Variants in PTPRB observed in about 807,000 individuals in gnomAD.
PTPRB encodes the protein receptor-type tyrosine-protein phosphatase beta.
Under a neutral mutation model 238.1 loss-of-function variants are expected in PTPRB, and 97 were observed. That is an observed-to-expected ratio of 0.41 (90% confidence interval 0.35 to 0.48). The LOEUF is 0.48. Ranked by LOEUF, PTPRB falls within the 20% of genes least tolerant of loss-of-function variation. The pLI, the probability that PTPRB is intolerant of heterozygous loss-of-function variation, is 0.30. For missense variants in PTPRB, 2,292 were observed against 2,681.9 expected, an observed-to-expected ratio of 0.85 and a Z score of 3.21; for synonymous variants, 970 against 995.4, an observed-to-expected ratio of 0.97 and a Z score of 0.48.
Position 70,569,755 on chromosome 12 carries a change from T to C in PTPRB, c.3554A>G (p.Glu1185Gly). 3 of 1,613,910 alleles carry C rather than the reference T, an allele frequency of 1.9e-6. No homozygotes were observed. Among genetic ancestry groups the C allele is most frequent in the East Asian group, 4.5e-5 (2 of 44,852 alleles). The stretch of plus-strand genomic sequence containing the variant: ...CATGATCTGGTACTGCTCCCCGGCC[T>C]CCAGTCTGTGGAACGTGTGCTCAAA... ...HVFEHTFHRL[E>G]AGEQYQIMIA... Residue 1185 changes from glutamate to glycine, a missense_variant, in exon 14 of 34, where the codon GAG becomes GGG. By Grantham distance (98) the Glu-to-Gly change is moderately conservative (BLOSUM62 -2). This residue lies in a region of PTPRB where 683 missense variants were observed against 862.0 expected (regional missense o/e 0.79). Transcript: ENST00000334414.
chr12:70,532,055 C>A lies in PTPRB; in HGVS notation c.6484G>T (p.Val2162Phe). The change falls in exon 32 of 34, where the codon GTT becomes TTT. Residue 2162 changes from valine (V) to phenylalanine (F), a missense_variant. Val to Phe is a conservative substitution (Grantham distance 50). Around this residue, in one of 4 missense-constraint regions of PTPRB, gnomAD observed 397 missense variants for 502.0 expected, o/e 0.79. Transcript: ENST00000334414. ...GAVHDLRLHRVHMVQTECQYV... is the reference protein window; with the variant it reads ...GAVHDLRLHRFHMVQTECQYV... ...CTTACCTCAGTCTGGACCATGTGAACCCTGTGAAGTCTTAGGTCGTGCACT... is the reference window on the plus strand; with the variant it reads ...CTTACCTCAGTCTGGACCATGTGAAACCTGTGAAGTCTTAGGTCGTGCACT... 6.2e-7 allele frequency: 1 copy of A among 1,613,924 alleles called. No individual in the cohort carries two copies.
rs1438991896 is a variant in PTPRB at position 70,540,974 on chromosome 12, A to G, written c.5495-17T>C. On this transcript the variant is annotated splice_polypyrimidine_tract_variant and intron_variant, in intron 22 of 33. Transcript: ENST00000334414. Reference sequence around the variant, plus strand: ...ACAAGGGCTCTACAATAATCCAGATAGAAACAACAAACGCAGGTGGGAAAA... The same window carrying G: ...ACAAGGGCTCTACAATAATCCAGATGGAAACAACAAACGCAGGTGGGAAAA... 6.3e-7 allele frequency: 1 copy of G among 1,582,306 alleles called. No homozygotes were observed. Among genetic ancestry groups the G allele is most frequent in the Non-Finnish European group, 8.6e-7 (1 of 1,162,906 alleles).
chr12:70,605,815 A>G (rs568360289), intron 4 of PTPRB, among the ~76,000 whole-genome samples: 1 of 152,246 alleles, frequency 6.6e-6, no homozygotes, highest in South Asian at 2.1e-4. Context: ...TATTATTTAG[A>G]CACCTAGCTA....
chr12:70,566,585 T>C lies in PTPRB; in HGVS notation c.3754A>G (p.Asn1252Asp). ...ERYDILLLTENGILLRNTSEP... is the reference protein window; with the variant it reads ...ERYDILLLTEDGILLRNTSEP... Reference sequence around the variant, plus strand: ...GATGTGTTGCGCAGAAGGATTCCATTTTCAGTTAGAAGCAGGATATCATAT... The same window carrying C: ...GATGTGTTGCGCAGAAGGATTCCATCTTCAGTTAGAAGCAGGATATCATAT... The change falls in exon 15 of 34, where the codon AAT (asparagine) becomes GAT (aspartate). Residue 1252 changes from asparagine to aspartate, a missense_variant. Asn to Asp is a conservative substitution (Grantham distance 23, BLOSUM62 1). Transcript: ENST00000334414. 4 of 1,614,018 alleles carry C rather than the reference T, an allele frequency of 2.5e-6. No individual in the cohort carries two copies. The highest frequency in any genetic ancestry group is 3.4e-6 in the Non-Finnish European group (4 of 1,179,888).
At chr12:70,632,343 A>G (rs1222938812) in intron 2 of PTPRB, among the ~76,000 whole-genome samples, 1 of 151,398 alleles carries the variant, frequency 6.6e-6, no homozygotes, top group African/African-American at 2.4e-5. Flanking sequence ...AAAACCAAAC[A>G]CCGCGTGTAC....
At chr12:70,524,134 G>A (rs1260989926) in intron 33 of PTPRB, among the ~76,000 whole-genome samples, 2 of 151,736 alleles carry the variant, frequency 1.3e-5, no homozygotes, top group African/African-American at 2.4e-5. Flanking sequence ...TTAGAGGCAG[G>A]ATCTTGCTTT....
intron 4 of PTPRB, among the ~76,000 whole-genome samples, chr12:70,598,528 A>ATCTG (rs34604321): frequency 0.26 from 39,899 of 151,776 alleles, 5,437 homozygotes; most frequent in African/African-American, 0.33. Flanking sequence ...CCACTTTCCT[A>ATCTG]TCTGGGGAGT....
In PTPRB at chr12:70,609,727, C is replaced by T. The variant is rs774968807; in HGVS notation, c.709-388G>A. On this transcript the variant is annotated intron_variant, in intron 3 of 33. Transcript: ENST00000334414. ...AATTTGGTTTTCGGCGGGGAGGGGG[C>T]GCATCAGCTCTGACCCCTTCTCGGG... is the stretch of plus-strand genomic sequence containing the variant. 6.5e-6 allele frequency: 10 copies of T among 1,529,252 alleles called. No individual in the cohort carries two copies. The South Asian group carries it at 9.6e-5, about 15-fold the overall frequency. 94.7% of individuals were successfully genotyped at this position (1,529,252 alleles called of 1,614,324 possible). A position where few individuals can be genotyped will look rare whatever the true frequency, so the allele number is the denominator to read the frequency against.
chr12:70,587,248 C>A lies in PTPRB; in HGVS notation c.2070G>T (p.Gln690His), dbSNP rs1185210776. The change falls in exon 9 of 34, where the codon CAG becomes CAT. Residue 690 changes from glutamine to histidine, a missense_variant. Coordinates refer to ENST00000334414, the MANE Select transcript of PTPRB (RefSeq NM_001109754.4). ...QGRTVPLAVL[Q>H]LRVKHANETS... ...TTTCATTGGCATGTTTGACACGAAGCTGGAGGACAGCCAGGGGGACTGAGG... is the reference window on the plus strand; with the variant it reads ...TTTCATTGGCATGTTTGACACGAAGATGGAGGACAGCCAGGGGGACTGAGG... 6.2e-7 allele frequency: 1 copy of A among 1,613,822 alleles called. No homozygotes were observed. The highest frequency in any genetic ancestry group is 2.2e-5 in the East Asian group (1 of 44,872).
chr12:70,522,336 G>A (rs1179196752), intron 33 of PTPRB, among the ~76,000 whole-genome samples: 1 of 152,148 alleles, frequency 6.6e-6, no homozygotes, highest in African/African-American at 2.4e-5. Context: ...ATTATGAAGC[G>A]AGTCCTCCAG....
rs1275004693 is a variant in PTPRB at position 70,576,380 on chromosome 12, A to G, written c.2842+2T>C. The stretch of plus-strand genomic sequence containing the variant: ...GAGCCCTGAACCTTCATACAGCCTT[A>G]CCTGTCCGCTCTTGGCTGAAGGAGT... On this transcript the variant is annotated splice_donor_variant, in intron 11 of 33. Transcript: ENST00000334414. LOFTEE classifies it high-confidence loss of function. 1 of 1,611,510 alleles carries G rather than the reference A, an allele frequency of 6.2e-7. No homozygotes were observed. Among genetic ancestry groups the G allele is most frequent in the Admixed American group, 1.7e-5 (1 of 59,790 alleles).
At chr12:70,635,406 T>C (rs996151079) in intron 2 of PTPRB, among the ~76,000 whole-genome samples, 1 of 152,120 alleles carries the variant, frequency 6.6e-6, no homozygotes, top group Non-Finnish European at 1.5e-5. Flanking sequence ...GAAATAGTTG[T>C]TGAATTAATA....
intron 14 of PTPRB, among the ~76,000 whole-genome samples, chr12:70,568,973 C>T (rs1325860754): frequency 1.3e-5 from 2 of 152,130 alleles, no homozygotes; most frequent in Non-Finnish European, 1.5e-5. Context: ...ATTATTCATA[C>T]ATTTGATACT....
At chr12:70,545,928 G>C (rs1011324540) in intron 21 of PTPRB, among the ~76,000 whole-genome samples, 5 of 152,320 alleles carry the variant, frequency 3.3e-5, no homozygotes, top group African/African-American at 1.2e-4. Flanking sequence ...CCTGAGGTCA[G>C]GAGTTCGAGA....
intron 2 of PTPRB, among the ~76,000 whole-genome samples, chr12:70,625,205 A>G (rs1334520474): frequency 2.0e-5 from 3 of 152,334 alleles, no homozygotes; most frequent in Admixed American, 2.0e-4. Context: ...AAGAAGCAAG[A>G]AAGAAGATTT....
At chr12:70,622,267 C>A (rs1435133779) in intron 3 of PTPRB, 123 bp downstream of exon 3, 1 of 1,368,750 alleles carries the variant, frequency 7.3e-7, no homozygotes, top group Non-Finnish European at 9.9e-7. Context: ...GCAGCCAGGA[C>A]ACAGGGTGAG....
chr12:70,626,335 CTATCTATCT>C (rs1885188043), intron 2 of PTPRB, among the ~76,000 whole-genome samples: 1 of 142,544 alleles, frequency 7.0e-6, no homozygotes, highest in Admixed American at 7.1e-5. Context: ...ATCTATCTAT[CTATCTATCT>C]ATCTATCTAT....
chr12:70,629,926 C>G (rs1012120540), intron 2 of PTPRB, among the ~76,000 whole-genome samples: 1 of 152,090 alleles, frequency 6.6e-6, no homozygotes, highest in African/African-American at 2.4e-5. Context: ...AGACCAATAA[C>G]AGGTTCTGAA....
chr12:70,564,366 G>A (rs997540032), intron 15 of PTPRB, among the ~76,000 whole-genome samples: 1 of 151,730 alleles, frequency 6.6e-6, no homozygotes, highest in Non-Finnish European at 1.5e-5. Flanking sequence ...ATAAAAATTA[G>A]CCGGGTGTAG....
Sources: allele counts gnomAD v4.1 joint callset (sites outside exome capture counted in the v4.1 genomes callset), GRCh38; gene constraint gnomAD v4.1.1; regional missense constraint gnomAD v4.1.1; transcripts MANE v1.5; gene names NCBI Gene and HGNC (gene_info 2026-07-23, HGNC 2026-07-21).